SIRPB2: variants seen among roughly 807,000 people sequenced by gnomAD.
SIRPB2 encodes the protein signal-regulatory protein beta-2.
Under a neutral mutation model 27.1 loss-of-function variants are expected in SIRPB2, and 18 were observed. The observed-to-expected ratio is 0.66, with a 90% CI of 0.46 to 0.98. The LOEUF is 0.98. Among genes scored for constraint, SIRPB2 ranks in the 50% least tolerant of loss-of-function variants. The pLI, the probability that SIRPB2 is intolerant of heterozygous loss-of-function variation, is 0.00. For missense variants in SIRPB2, 420 were observed against 417.4 expected, an observed-to-expected ratio of 1.01 and a Z score of -0.06; for synonymous variants, 150 against 164.6, an observed-to-expected ratio of 0.91 and a Z score of 0.68.
intron 3 of SIRPB2, 168 bp downstream of exon 3, chr20:1,478,098 A>G: frequency 1.4e-6 from 1 of 730,936 alleles, no homozygotes; most frequent in Non-Finnish European, 2.4e-6. Context: ...TGGGCCTTGA[A>G]GGATGAGTAG....
intron 4 of SIRPB2, chr20:1,477,082 G>T: frequency 6.9e-7 from 1 of 1,451,260 alleles, no homozygotes; most frequent in South Asian, 1.3e-5. Context: ...GAATCACAGG[G>T]AGCTCACCAC....
chr20:1,471,118 G>T (rs1170259093), downstream of SIRPB2: 1 of 152,250 alleles, frequency 6.6e-6, no homozygotes, highest in East Asian at 1.9e-4. Flanking sequence ...AAGAACTGAA[G>T]ATTCCCGCAC....
At chr20:1,485,335 C>G (rs958620158) in intron 1 of SIRPB2, among the ~76,000 whole-genome samples, 1 of 151,804 alleles carries the variant, frequency 6.6e-6, no homozygotes, top group Non-Finnish European at 1.5e-5. Context: ...ATGCATGGAA[C>G]AAAGTATTAC....
chr20:1,474,090 A>G (rs760330489), downstream of SIRPB2, among the ~76,000 whole-genome samples: 52 of 152,080 alleles, frequency 3.4e-4, no homozygotes, highest in Admixed American at 1.2e-3. Context: ...TTCTACATCG[A>G]AGATCCATCC....
In SIRPB2 at chr20:1,478,380, T is replaced by C. The variant is rs201063075; in HGVS notation, c.679A>G (p.Ile227Val). 980 of 1,614,228 alleles carry C rather than the reference T, an allele frequency of 6.1e-4. No individual in the cohort carries two copies. The highest frequency in any genetic ancestry group is 7.7e-4 in the Non-Finnish European group (911 of 1,180,048). Residue 227 changes from isoleucine (I) to valine (V), a missense_variant, in exon 3 of 5, where the codon ATT becomes GTT. Coordinates refer to ENST00000359801, the MANE Select transcript of SIRPB2 (RefSeq NM_001122962.2). ...TCACTGGAGACGTTTTGCAGAAGAA[T>C]GCTGAAGTCATTGTTGGAGGCCTGC... ...AVQASNNDFS[I>V]LLQNVSSEDA... is the part of the protein sequence containing the mutation.
intron 1 of SIRPB2, among the ~76,000 whole-genome samples, chr20:1,490,597 G>C (rs2090767946): frequency 1.3e-5 from 2 of 152,148 alleles, no homozygotes; most frequent in South Asian, 4.1e-4. Context: ...GGCACTTATG[G>C]GTATTATCTT....
intron 1 of SIRPB2, among the ~76,000 whole-genome samples, chr20:1,481,282 C>T (rs1398899346): frequency 6.6e-6 from 1 of 152,118 alleles, no homozygotes; most frequent in Non-Finnish European, 1.5e-5. Flanking sequence ...TCCCAAAGTG[C>T]TGGGATTACA....
chr20:1,489,625 T>A (rs971325471), intron 1 of SIRPB2, among the ~76,000 whole-genome samples: 1 of 152,200 alleles, frequency 6.6e-6, no homozygotes, highest in Admixed American at 6.5e-5. Context: ...GAGGTTTGCC[T>A]CTGCCTTGTC....
intron 1 of SIRPB2, among the ~76,000 whole-genome samples, chr20:1,481,111 C>T (rs2090666708): frequency 6.6e-6 from 1 of 152,224 alleles, no homozygotes; most frequent in Non-Finnish European, 1.5e-5. Context: ...TGTATTCCTT[C>T]TAAGAATTCT....
At chr20:1,473,813 C>A (rs1350922556), downstream of SIRPB2, 1 of 456,272 alleles carries the variant, frequency 2.2e-6, no homozygotes, top group Admixed American at 2.3e-5. Context: ...GGAGAACCAC[C>A]TCCATGCTTT....
Position 1,479,881 on chromosome 20 carries a change from G to C in SIRPB2, c.270C>G (p.Gly90=). 6.2e-7 allele frequency: 1 copy of C among 1,614,228 alleles called. No homozygotes were observed. The highest frequency in any genetic ancestry group is 8.5e-7 in the Non-Finnish European group (1 of 1,180,042). ...TCATGGGCATTACCCCAGGGAAGGA[G>C]CCACGTTTAAAGTTATAAATTTCCT... ...DQQEIYNFKR[G]SFPGVMPMIQ... The change falls in exon 2 of 5, where the codon GGC becomes GGG. Residue 90 remains glycine (G), a synonymous_variant. Coordinates refer to ENST00000359801, the MANE Select transcript of SIRPB2 (RefSeq NM_001122962.2).
rs772587583 is a variant in SIRPB2, at chr20:1,478,301, TA to T, written c.757del (p.Tyr253ThrfsTer9). ...VKFQRKPNRQ[Y>X]LSGQGTSLKV... ...CAGGCTGGTGCCCTGTCCAGACAGG[TA>T]TTGCCTGTTGGGTTTCCTCTGAAAC... On this transcript the variant is annotated frameshift_variant, in exon 3 of 5. Transcript: ENST00000359801. LOFTEE classifies it high-confidence loss of function. 3.1e-6 allele frequency: 5 copies of T among 1,614,148 alleles called. No homozygotes were observed. Among genetic ancestry groups the T allele is most frequent in the Non-Finnish European group, 4.2e-6 (5 of 1,180,006 alleles).
chr20:1,478,922 C>T (rs566946942), intron 2 of SIRPB2, among the ~76,000 whole-genome samples: 1 of 152,348 alleles, frequency 6.6e-6, no homozygotes, highest in South Asian at 2.1e-4. Context: ...GGCAGGACTA[C>T]AGAGGAGGCA....
downstream of SIRPB2, among the ~76,000 whole-genome samples, chr20:1,474,224 T>C (rs1174534959): frequency 6.6e-6 from 1 of 152,246 alleles, no homozygotes; most frequent in Admixed American, 6.5e-5. Context: ...GTTTTCTTTT[T>C]TCTTTTTATT....
intron 1 of SIRPB2, among the ~76,000 whole-genome samples, chr20:1,484,871 C>G (rs1263625698): frequency 2.6e-5 from 4 of 152,066 alleles, no homozygotes; most frequent in Admixed American, 2.0e-4. Flanking sequence ...CCAGCAATAC[C>G]ACTACTGGAT....
downstream of SIRPB2, among the ~76,000 whole-genome samples, chr20:1,471,422 A>G (rs2090580961): frequency 6.6e-6 from 1 of 152,250 alleles, no homozygotes; most frequent in South Asian, 2.1e-4. Context: ...TGTTAATACA[A>G]TGGAATACTA....
downstream of SIRPB2, among the ~76,000 whole-genome samples, chr20:1,471,694 T>G (rs1351383054): frequency 6.6e-6 from 1 of 152,222 alleles, no homozygotes; most frequent in Non-Finnish European, 1.5e-5. Context: ...CTCCTCTCAC[T>G]GCACCCCGAT....
At position 1,483,354 on chromosome 20, in the gene SIRPB2, A is replaced by T. The variant is rs151081055; in HGVS notation, c.86-3289T>A. The stretch of plus-strand genomic sequence containing the variant: ...ACCCCTGACCTCAGGTGATCTGCCC[A>T]CCTCAGCCTCCCATAGTGCTGGGAT... On this transcript the variant is annotated intron_variant, in intron 1 of 4. Transcript: ENST00000359801. Among the ~76,000 whole-genome samples, 33 of 151,964 alleles carry T rather than the reference A, an allele frequency of 2.2e-4. 1 individual carries two copies. The East Asian group carries it at 6.4e-3, about 29-fold the overall frequency.
downstream of SIRPB2, chr20:1,471,172 A>G (rs1009851721): frequency 6.6e-6 from 1 of 152,260 alleles, no homozygotes; most frequent in East Asian, 1.9e-4. Context: ...TAAGCCTGAA[A>G]CAACAGGAAT....
Sources: gnomAD v4.1 joint callset for allele counts (sites outside exome capture counted in the v4.1 genomes callset) on GRCh38, gnomAD v4.1.1 for gene constraint, MANE v1.5 for transcripts, NCBI Gene and HGNC (gene_info 2026-07-23, HGNC 2026-07-21) for gene names.